FBXL17: variants seen among roughly 807,000 people sequenced by gnomAD.
FBXL17 encodes F-box and leucine rich repeat protein 17.
FBXL17 carries 22 observed loss-of-function variants against 66.2 expected under a neutral mutation model. The observed-to-expected ratio is 0.33, with a 90% CI of 0.24 to 0.47. The LOEUF (loss-of-function observed/expected upper bound fraction) is 0.47. FBXL17 is among the 20% of genes least tolerant of loss of function. FBXL17 has a pLI of 1.00. For synonymous variants in FBXL17, 474 were observed against 400.5 expected (o/e 1.18, Z -2.19); for missense variants, 878 against 948.2 (o/e 0.93, Z 0.97).
intron 4 of FBXL17, among the ~76,000 whole-genome samples, chr5:108,346,119 G>A (rs998637969): frequency 2.6e-5 from 4 of 151,942 alleles, no homozygotes; most frequent in African/African-American, 4.8e-5. Flanking sequence ...CTATGGCTTC[G>A]CAAGTATTTA....
rs564929327 is a variant in FBXL17, at chr5:108,367,710, T to C, written c.1116+121A>G. The C allele has an allele frequency of 3.8e-4, 311 of 814,372 alleles. 1 individual carries two copies. The highest frequency in any genetic ancestry group is 3.2e-3 in the South Asian group (102 of 31,658). 50.4% of individuals were successfully genotyped at this position (814,372 alleles called of 1,614,324 possible). ...CACAAAAAACTACAGAAGCACAAAATTGTAGATTACAGTGATTTGAACTAT... is the reference window on the plus strand; with the variant it reads ...CACAAAAAACTACAGAAGCACAAAACTGTAGATTACAGTGATTTGAACTAT... On this transcript the variant is annotated intron_variant, in intron 2 of 8. Coordinates refer to ENST00000542267, the MANE Select transcript of FBXL17 (RefSeq NM_001163315.3).
intron 6 of FBXL17, among the ~76,000 whole-genome samples, chr5:108,054,527 T>C (rs1747610872): frequency 6.6e-6 from 1 of 152,188 alleles, no homozygotes. Context: ...AACTCCCTGT[T>C]TGGCCTTCTC....
Position 108,303,387 on chromosome 5 carries a change from C to T in FBXL17, c.1506+45012G>A, listed in dbSNP as rs867778557. On this transcript the variant is annotated intron_variant, in intron 4 of 8. Coordinates refer to ENST00000542267, the MANE Select transcript of FBXL17 (RefSeq NM_001163315.3). ...ACACACACACACACACACACACACA[C>T]ACACACACATACCCACACACAAGCA... Among the ~76,000 whole-genome samples, 399 of 148,748 alleles carry T rather than the reference C, an allele frequency of 2.7e-3. 4 individuals carry two copies. Among genetic ancestry groups the T allele is most frequent in the African/African-American group, 9.2e-3 (381 of 41,240 alleles).
At chr5:108,254,011 A>ACATACAAGTTAACCT (rs1756471633) in intron 4 of FBXL17, among the ~76,000 whole-genome samples, 1 of 152,154 alleles carries the variant, frequency 6.6e-6, no homozygotes, top group Non-Finnish European at 1.5e-5. Context: ...AGAGGTATCC[A>ACATACAAGTTAACCT]CATACAAGTT....
chr5:108,232,379 G>A (rs1399067301), intron 4 of FBXL17, among the ~76,000 whole-genome samples: 1 of 151,930 alleles, frequency 6.6e-6, no homozygotes, highest in East Asian at 1.9e-4. Flanking sequence ...AGATGTGTAT[G>A]GGTTCAAGTT....
At position 108,041,998 on chromosome 5, in the gene FBXL17, C is replaced by T. The variant is rs759758037; in HGVS notation, c.1746-20997G>A. ...GCAACCTCTGCCTCCTGGGTTCAAGCGACTCTCCTGCCTCAACCTCCCAAG... is the reference window on the plus strand; with the variant it reads ...GCAACCTCTGCCTCCTGGGTTCAAGTGACTCTCCTGCCTCAACCTCCCAAG... On this transcript the variant is annotated intron_variant, in intron 6 of 8. Transcript: ENST00000542267. Among the ~76,000 whole-genome samples, 6 of 152,022 alleles carry T rather than the reference C, an allele frequency of 3.9e-5. No individual in the cohort carries two copies. The South Asian group carries it at 6.2e-4, about 16-fold the overall frequency.
At chr5:107,962,650 G>A (rs1263763909) in intron 7 of FBXL17, among the ~76,000 whole-genome samples, 12 of 150,642 alleles carry the variant, frequency 8.0e-5, no homozygotes, top group African/African-American at 1.9e-4. Flanking sequence ...AGTCTTTCTG[G>A]AATTAAATAA....
intron 6 of FBXL17, among the ~76,000 whole-genome samples, chr5:108,108,832 G>T (rs555071764): frequency 6.9e-5 from 10 of 144,032 alleles, no homozygotes; most frequent in African/African-American, 2.6e-4. Context: ...TGCCCAGGTT[G>T]GAGTGCAATG....
At chr5:108,131,782 T>C (rs940342267) in intron 6 of FBXL17, among the ~76,000 whole-genome samples, 1 of 152,182 alleles carries the variant, frequency 6.6e-6, no homozygotes, top group Non-Finnish European at 1.5e-5. Context: ...TAGCTTTCTC[T>C]TATAATTTCT....
At chr5:107,882,623 G>C (rs1311089696) in intron 7 of FBXL17, among the ~76,000 whole-genome samples, 1 of 152,134 alleles carries the variant, frequency 6.6e-6, no homozygotes, top group Non-Finnish European at 1.5e-5. Context: ...GAAATGGTCT[G>C]AATACTATTT....
intron 5 of FBXL17, among the ~76,000 whole-genome samples, chr5:108,201,954 C>T (rs999850139): frequency 6.6e-6 from 1 of 151,586 alleles, no homozygotes. Context: ...AGTTGATATC[C>T]TTTTTACAAG....
intron 4 of FBXL17, among the ~76,000 whole-genome samples, chr5:108,339,129 A>T (rs1746711525): frequency 6.6e-6 from 1 of 152,242 alleles, no homozygotes; most frequent in African/African-American, 2.4e-5. Context: ...ATCTTTATTT[A>T]AAAAAGAAAG....
chr5:108,381,367 C>T lies in FBXL17; in HGVS notation c.325G>A (p.Ala109Thr). The change falls in exon 1 of 9, where the codon GCC becomes ACC. Residue 109 changes from alanine (A) to threonine (T), a missense_variant. Ala to Thr is a moderately conservative substitution (Grantham distance 58). Around this residue, in one of 4 missense-constraint regions of FBXL17, gnomAD observed 605 missense variants for 509.5 expected, o/e 1.19. Coordinates refer to ENST00000542267, the MANE Select transcript of FBXL17 (RefSeq NM_001163315.3). ...CGGGCAGCAGCGGCGCAGTCCTCGG[C>T]GGCCAGGGCCGCGTAGCGCCGCGCC... ...HLARRYAALA[A>T]EDCAAAARRF... 7.5e-7 allele frequency: 1 copy of T among 1,333,630 alleles called. No homozygotes were observed. Among genetic ancestry groups the T allele is most frequent in the Non-Finnish European group, 9.5e-7 (1 of 1,051,016 alleles). 82.6% of individuals were successfully genotyped at this position (1,333,630 alleles called of 1,614,324 possible).
chr5:108,163,243 C>A (rs1752281479), intron 6 of FBXL17, among the ~76,000 whole-genome samples: 1 of 152,120 alleles, frequency 6.6e-6, no homozygotes, highest in African/African-American at 2.4e-5. Flanking sequence ...CCTTTATATT[C>A]TCCTTACCAT....
At chr5:108,163,547 T>C (rs13159912) in intron 6 of FBXL17, among the ~76,000 whole-genome samples, 2 of 151,970 alleles carry the variant, frequency 1.3e-5, no homozygotes, top group Non-Finnish European at 2.9e-5. Flanking sequence ...ACTACAGGCG[T>C]CCGCCACTAC....
intron 4 of FBXL17, among the ~76,000 whole-genome samples, chr5:108,230,307 T>C (rs1331352262): frequency 1.3e-5 from 2 of 152,054 alleles, no homozygotes; most frequent in Admixed American, 6.6e-5. Context: ...ACTGCAAAAA[T>C]ATGAAACCAG....
At chr5:108,289,292 A>C (rs1758018840) in intron 4 of FBXL17, among the ~76,000 whole-genome samples, 1 of 152,112 alleles carries the variant, frequency 6.6e-6, no homozygotes, top group South Asian at 2.1e-4. Flanking sequence ...TGTAAATTTA[A>C]TTCAAAAATG....
At chr5:108,276,890 C>T (rs1231698954) in intron 4 of FBXL17, among the ~76,000 whole-genome samples, 3 of 151,948 alleles carry the variant, frequency 2.0e-5, no homozygotes, top group Non-Finnish European at 2.9e-5. Flanking sequence ...AACCATAAAA[C>T]ATAAGCCAAT....
At chr5:108,206,898 A>G (rs1754143393) in intron 5 of FBXL17, among the ~76,000 whole-genome samples, 1 of 152,158 alleles carries the variant, frequency 6.6e-6, no homozygotes, top group Non-Finnish European at 1.5e-5. Context: ...AAATGACTGT[A>G]TCATATAGCA....
Sources: gnomAD v4.1 joint callset for allele counts (sites outside exome capture counted in the v4.1 genomes callset) on GRCh38, gnomAD v4.1.1 for gene constraint, gnomAD v4.1.1 regional missense constraint, MANE v1.5 for transcripts, NCBI Gene and HGNC (gene_info 2026-07-23, HGNC 2026-07-21) for gene names.